The following CAMK4 variants were observed in gnomAD, a reference collection of about 807,000 sequenced individuals.
CAMK4 encodes calcium/calmodulin-dependent protein kinase type IV.
A neutral mutation model predicts 44.9 loss-of-function variants in CAMK4; 22 were observed. The observed-to-expected ratio is 0.49, with a 90% CI of 0.35 to 0.70. The LOEUF (loss-of-function observed/expected upper bound fraction) is 0.70, where lower values mean the gene tolerates loss of function less well. Ranked by LOEUF, CAMK4 falls within the 30% of genes least tolerant of loss-of-function variation. The pLI, the probability that CAMK4 is intolerant of heterozygous loss-of-function variation, is 0.01. For missense variants in CAMK4, 498 were observed against 586.8 expected, an observed-to-expected ratio of 0.85 and a Z score of 1.56; for synonymous variants, 218 against 215.4, an observed-to-expected ratio of 1.01 and a Z score of -0.11.
In CAMK4 at chr5:111,267,106, A is replaced by T. The variant is rs187966182; in HGVS notation, c.161+42462A>T. On this transcript the variant is annotated intron_variant, in intron 1 of 10. Transcript: ENST00000282356. ...TCAGGTTGGTCCCTGAATCCTATTA[A>T]TATGATTCTGGTAGTCTCTGAGAGC... is the stretch of plus-strand genomic sequence containing the variant. Among the ~76,000 whole-genome samples the T allele has an allele frequency of 3.9e-5, 6 of 152,260 alleles. No individual in the cohort carries two copies. In the East Asian group the frequency reaches 1.2e-3, roughly 29 times the overall value.
intron 5 of CAMK4, among the ~76,000 whole-genome samples, chr5:111,421,854 T>C (rs1753043937): frequency 6.6e-6 from 1 of 152,126 alleles, no homozygotes; most frequent in Non-Finnish European, 1.5e-5. Context: ...GGGGTCAAGT[T>C]TTTCCCATGC....
intron 1 of CAMK4, among the ~76,000 whole-genome samples, chr5:111,281,143 G>A (rs570200324): frequency 4.6e-5 from 7 of 152,144 alleles, no homozygotes; most frequent in Non-Finnish European, 7.4e-5. Context: ...TTTGCTAGGT[G>A]TCAAGAGACT....
chr5:111,454,647 C>CAAAAA (rs66917170), intron 7 of CAMK4, among the ~76,000 whole-genome samples: 2 of 114,606 alleles, frequency 1.7e-5, no homozygotes, highest in African/African-American at 3.9e-5. Context: ...GTCACACAGA[C>CAAAAA]AAAAAAAAAA....
At chr5:111,465,218 A>C (rs1315618132) in intron 7 of CAMK4, among the ~76,000 whole-genome samples, 1 of 151,928 alleles carries the variant, frequency 6.6e-6, no homozygotes, top group African/African-American at 2.4e-5. Flanking sequence ...TAGGAGGCAA[A>C]TTCATAGCCT....
intron 7 of CAMK4, 63 bp downstream of exon 7, chr5:111,449,266 A>G (rs1754146794): frequency 2.6e-6 from 2 of 770,810 alleles, no homozygotes; most frequent in Non-Finnish European, 4.2e-6. Context: ...TTGTTTAGCA[A>G]TCTCATTTTT....
At chr5:111,228,484 A>G in intron 1 of CAMK4, among the ~76,000 whole-genome samples, 1 of 151,314 alleles carries the variant, frequency 6.6e-6, no homozygotes, top group Non-Finnish European at 1.5e-5. Context: ...ATTGTTTAGG[A>G]ACCAAATAGA....
chr5:111,376,433 T>C (rs534054612), intron 3 of CAMK4, among the ~76,000 whole-genome samples: 1 of 152,162 alleles, frequency 6.6e-6, no homozygotes, highest in South Asian at 2.1e-4. Flanking sequence ...GGTCCTACCC[T>C]GCCGCAGACC....
chr5:111,284,438 A>G lies in CAMK4; in HGVS notation c.162-59586A>G, dbSNP rs537117036. Among the ~76,000 whole-genome samples the G allele has an allele frequency of 5.9e-5, 9 of 152,292 alleles. No individual in the cohort carries two copies. The South Asian group carries it at 1.0e-3, about 18-fold the overall frequency. On this transcript the variant is annotated intron_variant, in intron 1 of 10. Coordinates refer to ENST00000282356, the MANE Select transcript of CAMK4 (RefSeq NM_001744.6). ...ATGGCTTTCCTCAGAATCTTTCCCT[A>G]TTTCTTACATATCACTTCATATTTG...
At chr5:111,243,507 G>T (rs1284642702) in intron 1 of CAMK4, among the ~76,000 whole-genome samples, 4 of 152,178 alleles carry the variant, frequency 2.6e-5, no homozygotes, top group Admixed American at 6.5e-5. Flanking sequence ...GTCAAGCAAA[G>T]AATCTTTGTC....
At chr5:111,393,874 T>TG (rs1032937511) in intron 4 of CAMK4, among the ~76,000 whole-genome samples, 1 of 35,502 alleles carries the variant, frequency 2.8e-5, no homozygotes, top group African/African-American at 1.2e-4. Context: ...AAGTTTTGTG[T>TG]TTTTTTTTTT....
chr5:111,479,259 C>G (rs938502010), intron 9 of CAMK4, among the ~76,000 whole-genome samples: 1 of 152,112 alleles, frequency 6.6e-6, no homozygotes, highest in African/African-American at 2.4e-5. Context: ...AACGTAAGTC[C>G]CATTATGCAT....
intron 7 of CAMK4, among the ~76,000 whole-genome samples, chr5:111,461,535 G>C (rs973837814): frequency 2.1e-4 from 32 of 152,170 alleles, no homozygotes; most frequent in African/African-American, 6.0e-4. Flanking sequence ...TGTGGAGTCT[G>C]CCCAACTGTG....
intron 1 of CAMK4, among the ~76,000 whole-genome samples, chr5:111,335,091 G>T (rs556241129): frequency 8.6e-5 from 13 of 151,606 alleles, no homozygotes; most frequent in South Asian, 2.1e-4. Context: ...CCAGACTTCT[G>T]TGTGATAAGA....
chr5:111,224,568 G>A lies in CAMK4; in HGVS notation c.85G>A (p.Val29Ile). Residue 29 changes from valine to isoleucine, a missense_variant, in exon 1 of 11, where the codon GTC (valine) becomes ATC (isoleucine). Around this residue, in one of 3 missense-constraint regions of CAMK4, gnomAD observed 152 missense variants for 143.7 expected, o/e 1.06. Transcript: ENST00000282356. The surrounding 1 kb of genome is among the most constrained non-coding windows in gnomAD (Gnocchi z 5.7). Reference sequence around the variant, plus strand: ...TGCGGCCCCGGGGACCGCGAGCCTCGTCCCGGATTACTGGATCGACGGCTC... The same window carrying A: ...TGCGGCCCCGGGGACCGCGAGCCTCATCCCGGATTACTGGATCGACGGCTC... ...ASAAPGTASL[V>I]PDYWIDGSNR... 1 of 1,612,408 alleles carries A rather than the reference G, an allele frequency of 6.2e-7. No homozygotes were observed. Among genetic ancestry groups the A allele is most frequent in the East Asian group, 2.2e-5 (1 of 44,734 alleles).
intron 7 of CAMK4, among the ~76,000 whole-genome samples, chr5:111,450,047 G>A (rs994059110): frequency 3.3e-5 from 5 of 152,134 alleles, no homozygotes; most frequent in Non-Finnish European, 1.5e-5. Context: ...GGCCAGGTGT[G>A]GTGGCTCATG....
intron 5 of CAMK4, among the ~76,000 whole-genome samples, chr5:111,408,588 T>C (rs949591439): frequency 4.6e-5 from 7 of 152,172 alleles, no homozygotes; most frequent in Non-Finnish European, 1.0e-4. Context: ...CTAAATCTCA[T>C]GTCCTCACAT....
At chr5:111,362,729 A>G (rs1339410455) in intron 2 of CAMK4, among the ~76,000 whole-genome samples, 2 of 152,038 alleles carry the variant, frequency 1.3e-5, no homozygotes, top group Non-Finnish European at 2.9e-5. Flanking sequence ...CTTTTTCATA[A>G]GACCATGCTG....
At chr5:111,420,590 A>G (rs1169245667) in intron 5 of CAMK4, among the ~76,000 whole-genome samples, 1 of 152,146 alleles carries the variant, frequency 6.6e-6, no homozygotes, top group Non-Finnish European at 1.5e-5. Context: ...TGGGAGCGCT[A>G]TGGGAGACTG....
intron 1 of CAMK4, among the ~76,000 whole-genome samples, chr5:111,236,147 C>G (rs1168602984): frequency 6.6e-6 from 1 of 152,174 alleles, no homozygotes; most frequent in Non-Finnish European, 1.5e-5. Context: ...AGCTCCATAC[C>G]CAGCACATAA....
Sources: gnomAD v4.1 joint callset for allele counts (sites outside exome capture counted in the v4.1 genomes callset) on GRCh38, gnomAD v4.1.1 for gene constraint, gnomAD v4.1.1 regional missense constraint, Gnocchi (gnomAD v3.1) non-coding constraint, MANE v1.5 for transcripts, NCBI Gene and HGNC (gene_info 2026-07-23, HGNC 2026-07-21) for gene names.